The following CD44 variants were observed in gnomAD, a reference collection of about 807,000 sequenced individuals.
The protein encoded by CD44 is CD44 molecule (IN blood group), also known as CD44 antigen.
In CD44, 49 loss-of-function variants were observed where a neutral mutation model predicts 88.8. The observed-to-expected ratio is 0.55, with a 90% CI of 0.44 to 0.70. CD44 has a LOEUF of 0.70. Ranked by LOEUF, CD44 falls within the 30% of genes least tolerant of loss-of-function variation. The pLI is 0.00. For missense variants in CD44, 883 were observed against 913.8 expected (o/e 0.97, Z 0.43); for synonymous variants, 325 against 312.3 (o/e 1.04, Z -0.43).
chr11:35,229,130 T>C lies in CD44; in HGVS notation c.2026T>C (p.Cys676Arg). ...VCIAVNSRRR[C>R]GQKKKLVINS... ...ATGGTACATTTTTTAAATTATTAGG[T>C]GTGGGCAGAAGAAAAAGCTAGTGAT... The change falls in exon 18 of 18, where the codon TGT (cysteine) becomes CGT (arginine). Residue 676 changes from cysteine (C) to arginine (R), a missense_variant and splice_region_variant. Physicochemically the swap from Cys to Arg is radical, Grantham distance 180 (BLOSUM62 -3). Around this residue, in one of 2 missense-constraint regions of CD44, gnomAD observed 631 missense variants for 590.9 expected, o/e 1.07. Coordinates refer to ENST00000428726, the MANE Select transcript of CD44 (RefSeq NM_000610.4). 6.2e-7 allele frequency: 1 copy of C among 1,612,704 alleles called. No individual in the cohort carries two copies. The highest frequency in any genetic ancestry group is 8.5e-7 in the Non-Finnish European group (1 of 1,179,102).
At chr11:35,204,818 T>C (rs964741492) in intron 10 of CD44, 178 bp downstream of exon 10, 4 of 563,084 alleles carry the variant, frequency 7.1e-6, no homozygotes, top group African/African-American at 1.9e-5. Context: ...ACAAGTCACC[T>C]GAACAGGAAT....
At chr11:35,184,801 G>A (rs897917651) in intron 3 of CD44, among the ~76,000 whole-genome samples, 4 of 152,102 alleles carry the variant, frequency 2.6e-5, no homozygotes, top group Non-Finnish European at 5.9e-5. Context: ...TATTTCTTAT[G>A]GCATTACCAT....
Position 35,162,516 on chromosome 11 carries a change from T to A in CD44, c.68-14059T>A, listed in dbSNP as rs112009338. On this transcript the variant is annotated intron_variant, in intron 1 of 17. Transcript: ENST00000428726. ...CAGCTAAGCATGGAATGGTAAAGAT[T>A]TTGGTCCAAACCCTGTGACTTGAGT... is the stretch of plus-strand genomic sequence containing the variant. 2.3e-3 allele frequency among the ~76,000 whole-genome samples: 343 copies of A among 152,326 alleles called. 3 individuals carry two copies. The highest frequency in any genetic ancestry group is 7.9e-3 in the African/African-American group (330 of 41,562).
chr11:35,148,650 C>T (rs1859687767), intron 1 of CD44, among the ~76,000 whole-genome samples: 1 of 152,152 alleles, frequency 6.6e-6, no homozygotes, highest in Non-Finnish European at 1.5e-5. Context: ...TTTTCTTTTG[C>T]CAGTGAGCAT....
intron 13 of CD44, chr11:35,210,340 T>C (rs891474617): frequency 1.1e-5 from 2 of 187,264 alleles, no homozygotes; most frequent in African/African-American, 4.7e-5. Context: ...ATTTATTTTA[T>C]TTATTTATTT....
At chr11:35,215,418 T>C (rs1948749959) in intron 15 of CD44, among the ~76,000 whole-genome samples, 1 of 152,222 alleles carries the variant, frequency 6.6e-6, no homozygotes, top group African/African-American at 2.4e-5. Context: ...TCACAGGACA[T>C]TGTTTCAAAG....
At position 35,214,893 on chromosome 11, in the gene CD44, A is replaced by G. The variant is rs772507932; in HGVS notation, c.1852A>G (p.Thr618Ala). Residue 618 changes from threonine (T) to alanine (A), a missense_variant, in exon 15 of 18, where the codon ACT (threonine) becomes GCT (alanine). Physicochemically the swap from Thr to Ala is moderately conservative, Grantham distance 58. Coordinates refer to ENST00000428726, the MANE Select transcript of CD44 (RefSeq NM_000610.4). ...CCACCCCAGTGGGGGGTCCCATACC[A>G]CTCATGGATCTGAATCAGATGGTGA... ...TFHPSGGSHT[T>A]HGSESDGHSH... 3.8e-6 allele frequency: 6 copies of G among 1,560,596 alleles called. No individual in the cohort carries two copies. The highest frequency in any genetic ancestry group is 4.3e-6 in the Non-Finnish European group (5 of 1,153,794).
rs916847375 is a variant in CD44 at position 35,190,056 on chromosome 11, C to T, written c.658C>T (p.Pro220Ser). ...PWITDSTDRI[P>S]ATTLMSTSAT... Reference sequence around the variant, plus strand: ...GATCACCGACAGCACAGACAGAATCCCTGCTACCAGTAAGGAGAATAAATC... The same window carrying T: ...GATCACCGACAGCACAGACAGAATCTCTGCTACCAGTAAGGAGAATAAATC... The change falls in exon 5 of 18, where the codon CCT becomes TCT. Residue 220 changes from proline to serine, a missense_variant. Coordinates refer to ENST00000428726, the MANE Select transcript of CD44 (RefSeq NM_000610.4). The T allele has an allele frequency of 1.9e-6, 3 of 1,612,862 alleles. No individual in the cohort carries two copies. The highest frequency in any genetic ancestry group is 2.7e-5 in the African/African-American group (2 of 74,890).
chr11:35,221,704 G>A lies in CD44; in HGVS notation c.1996G>A (p.Val666Ile). 6.2e-7 allele frequency: 1 copy of A among 1,614,134 alleles called. No individual in the cohort carries two copies. Among genetic ancestry groups the A allele is most frequent in the Non-Finnish European group, 8.5e-7 (1 of 1,179,954 alleles). Residue 666 changes from valine (V) to isoleucine (I), a missense_variant, in exon 17 of 18, where the codon GTT becomes ATT. Physicochemically the swap from Val to Ile is conservative, Grantham distance 29 (BLOSUM62 3). Around this residue, in one of 2 missense-constraint regions of CD44, gnomAD observed 631 missense variants for 590.9 expected, o/e 1.07. Transcript: ENST00000428726. Reference sequence around the variant, plus strand: ...CTTGGCCTTGGCTTTGATTCTTGCAGTTTGCATTGCAGTCAACAGTCGAAG... The same window carrying A: ...CTTGGCCTTGGCTTTGATTCTTGCAATTTGCATTGCAGTCAACAGTCGAAG... ...SLLALALILAVCIAVNSRRRC... is the reference protein window; with the variant it reads ...SLLALALILAICIAVNSRRRC...
At chr11:35,142,101 GA>G (rs2132965920) in intron 1 of CD44, among the ~76,000 whole-genome samples, 1 of 152,278 alleles carries the variant, frequency 6.6e-6, no homozygotes, top group East Asian at 1.9e-4. Context: ...GCAGGAGGAA[GA>G]AAGTGGCCCT....
At chr11:35,150,828 T>C (rs1198510808) in intron 1 of CD44, among the ~76,000 whole-genome samples, 1 of 152,178 alleles carries the variant, frequency 6.6e-6, no homozygotes, top group Non-Finnish European at 1.5e-5. Context: ...GCAAGGTCCT[T>C]CCCCTGTTGG....
intron 14 of CD44, among the ~76,000 whole-genome samples, chr11:35,211,673 CA>C (rs1784070244): frequency 1.3e-5 from 1 of 77,130 alleles, no homozygotes; most frequent in East Asian, 7.1e-4. Flanking sequence ...TCTGTGTTTG[CA>C]TGTGTGTGTG....
chr11:35,215,109 G>T, intron 15 of CD44, 195 bp downstream of exon 15: 1 of 399,054 alleles, frequency 2.5e-6, no homozygotes, highest in South Asian at 1.1e-4. Context: ...TAGGTCTGGG[G>T]TGGAGCCCAA....
chr11:35,152,314 T>C (rs1224185053), intron 1 of CD44, among the ~76,000 whole-genome samples: 1 of 152,300 alleles, frequency 6.6e-6, no homozygotes, highest in African/African-American at 2.4e-5. Context: ...AAAAGTAGGC[T>C]AGCTACCTGG....
chr11:35,204,045 G>A (rs1189298787), intron 9 of CD44, among the ~76,000 whole-genome samples: 1 of 152,164 alleles, frequency 6.6e-6, no homozygotes, highest in Non-Finnish European at 1.5e-5. Context: ...TTTCCAGTGT[G>A]TGCGATTATG....
chr11:35,215,482 C>A (rs1438945588), intron 15 of CD44, among the ~76,000 whole-genome samples: 2 of 152,172 alleles, frequency 1.3e-5, no homozygotes, highest in African/African-American at 4.8e-5. Context: ...CACATGATAT[C>A]ATCACTGGTA....
intron 13 of CD44, chr11:35,210,842 T>A (rs536108847): frequency 5.8e-6 from 1 of 173,678 alleles, no homozygotes; most frequent in Non-Finnish European, 1.3e-5. Context: ...GCTATTTTAA[T>A]TGCAGGCAGC....
chr11:35,168,809 A>C (rs1465206636), intron 1 of CD44, among the ~76,000 whole-genome samples: 1 of 152,208 alleles, frequency 6.6e-6, no homozygotes, highest in Non-Finnish European at 1.5e-5. Context: ...TGGTCTTCAT[A>C]TGGAATGTAC....
chr11:35,186,702 G>C, intron 3 of CD44, 130 bp from the exon 4 acceptor site: 2 of 602,280 alleles, frequency 3.3e-6, no homozygotes, highest in Non-Finnish European at 6.1e-6. Context: ...AGCCAACTTA[G>C]GAGTTTCGGA....
Sources: allele counts gnomAD v4.1 joint callset (sites outside exome capture counted in the v4.1 genomes callset), GRCh38; gene constraint gnomAD v4.1.1; regional missense constraint gnomAD v4.1.1; transcripts MANE v1.5; gene names NCBI Gene and HGNC (gene_info 2026-07-23, HGNC 2026-07-21).